Variants in MYO16 observed in about 807,000 individuals in gnomAD.
MYO16 encodes unconventional myosin-XVI.
A neutral mutation model predicts 205.3 loss-of-function variants in MYO16; 94 were observed. That is an observed-to-expected ratio of 0.46 (90% confidence interval 0.39 to 0.54). The LOEUF is 0.54. Among genes scored for constraint, MYO16 ranks in the 20% least tolerant of loss-of-function variants. The pLI, the probability that MYO16 is intolerant of heterozygous loss-of-function variation, is 0.00. For missense variants in MYO16, 2,315 were observed against 2,387.5 expected, an observed-to-expected ratio of 0.97 and a Z score of 0.63; for synonymous variants, 988 against 954.0, an observed-to-expected ratio of 1.04 and a Z score of -0.66.
chr13:108,691,400 CTG>C (rs1882890551), intron 2 of MYO16, among the ~76,000 whole-genome samples: 1 of 150,400 alleles, frequency 6.6e-6, no homozygotes, highest in Non-Finnish European at 1.5e-5. Context: ...GGGTGTGTGT[CTG>C]TGTGTGTGTT....
At position 109,055,808 on chromosome 13, in the gene MYO16, A is replaced by T; in HGVS notation, c.3335+213A>T. ...AAAATAATTAAACTGTACTGAGGAC[A>T]GTATCTTGGAAACCATTCTCATGTT... is the stretch of plus-strand genomic sequence containing the variant. On this transcript the variant is annotated intron_variant, in intron 27 of 34. Coordinates refer to ENST00000457511, the MANE Select transcript of MYO16 (RefSeq NM_001198950.3). The surrounding 1 kb of genome is among the most constrained non-coding windows in gnomAD (Gnocchi z 5.0). The T allele has an allele frequency of 6.5e-6, 3 of 465,000 alleles. No homozygotes were observed. The highest frequency in any genetic ancestry group is 7.6e-6 in the Non-Finnish European group (2 of 262,338). 28.8% of individuals were successfully genotyped at this position (465,000 alleles called of 1,614,324 possible). A position where few individuals can be genotyped will look rare whatever the true frequency, so the allele number is the denominator to read the frequency against.
At chr13:108,970,414 A>G (rs959299392) in intron 20 of MYO16, among the ~76,000 whole-genome samples, 2 of 152,188 alleles carry the variant, frequency 1.3e-5, no homozygotes, top group Admixed American at 1.3e-4. Context: ...TTTTCTGGTC[A>G]CTTTTAAATA....
At chr13:108,735,463 A>AGTATGCCATGGTATATACCATGT (rs1884662754) in intron 4 of MYO16, among the ~76,000 whole-genome samples, 1 of 146,274 alleles carries the variant, frequency 6.8e-6, no homozygotes, top group Non-Finnish European at 1.5e-5. Context: ...ATGGCTGCAT[A>AGTATGCCATGGTATATACCATGT]GTATTCCATG....
chr13:108,796,885 G>A (rs181162028), intron 6 of MYO16, among the ~76,000 whole-genome samples: 127 of 151,556 alleles, frequency 8.4e-4, no homozygotes, highest in African/African-American at 2.8e-3. Flanking sequence ...AAACCTGCAC[G>A]TTGTGCACAT....
At chr13:109,022,349 AAT>A (rs1185087922) in intron 23 of MYO16, among the ~76,000 whole-genome samples, 1 of 57,390 alleles carries the variant, frequency 1.7e-5, no homozygotes, top group African/African-American at 8.2e-5. Flanking sequence ...ATTATATACA[AAT>A]ATATATGTAT....
At chr13:108,524,999 T>A in the MYO16 span, among the ~76,000 whole-genome samples, 13 of 152,290 alleles carry the variant, frequency 8.5e-5, no homozygotes, top group African/African-American at 2.9e-4. Context: ...TAAAACTTTT[T>A]TAAAAAAATC....
Position 108,712,651 on chromosome 13 carries a change from T to C in MYO16, c.293-10T>C. ...CTCTGTAACTCCATTCTCCTCTCTG[T>C]TGTTTTCAGTGCTTCGGCTCCTGAA... On this transcript the variant is annotated splice_polypyrimidine_tract_variant and intron_variant, in intron 2 of 34. Transcript: ENST00000457511. 1 of 1,613,406 alleles carries C rather than the reference T, an allele frequency of 6.2e-7. No homozygotes were observed. Among genetic ancestry groups the C allele is most frequent in the Non-Finnish European group, 8.5e-7 (1 of 1,179,274 alleles).
rs5806755 is a variant in MYO16 at position 108,811,545 on chromosome 13, T to TAA, written c.867+4753_867+4754dup. 4.0e-3 allele frequency among the ~76,000 whole-genome samples: 580 copies of TAA among 145,166 alleles called. 5 individuals carry two copies. Among genetic ancestry groups the TAA allele is most frequent in the Middle Eastern group, 0.025 (7 of 278 alleles). ...TTTCTGTCCTCTAACACCACCTGTT[T>TAA]AAAAAAAAAAAAACCATCATCTTCT... On this transcript the variant is annotated intron_variant, in intron 7 of 34. Coordinates refer to ENST00000457511, the MANE Select transcript of MYO16 (RefSeq NM_001198950.3).
intron 1 of MYO16, among the ~76,000 whole-genome samples, chr13:108,601,006 G>C (rs11838662): frequency 0.036 from 5,407 of 152,062 alleles, 223 homozygotes; most frequent in African/African-American, 0.1. Context: ...AGTAATCCCA[G>C]GTCCTTTTTA....
At chr13:108,637,914 A>T (rs1482088111) in intron 1 of MYO16, among the ~76,000 whole-genome samples, 8 of 152,280 alleles carry the variant, frequency 5.3e-5, no homozygotes, top group African/African-American at 1.4e-4. Flanking sequence ...ACAAAGACGA[A>T]CAAGCAAGCT....
In MYO16 at chr13:108,861,431, C is replaced by T. The variant is rs373627253; in HGVS notation, c.1360-4746C>T. ...TTTATCCACTCTATACTTGAGGAAA[C>T]TTTGAGTTGTTTCCACTTTTTTAGT... On this transcript the variant is annotated intron_variant, in intron 11 of 34. Coordinates refer to ENST00000457511, the MANE Select transcript of MYO16 (RefSeq NM_001198950.3). 5.9e-5 allele frequency among the ~76,000 whole-genome samples: 9 copies of T among 152,248 alleles called. No homozygotes were observed. In the South Asian group the frequency reaches 8.3e-4, roughly 14 times the overall value.
At chr13:109,086,813 A>G (rs4773026) in intron 27 of MYO16, among the ~76,000 whole-genome samples, 110,735 of 152,004 alleles carry the variant, frequency 0.73, 40,455 homozygotes, top group East Asian at 0.89. Context: ...CAACAGATCT[A>G]TATTTAAAGC....
the MYO16 span, among the ~76,000 whole-genome samples, chr13:108,518,055 T>C: frequency 2.5e-4 from 38 of 152,292 alleles, no homozygotes; most frequent in South Asian, 7.7e-3. Context: ...ATATGAATTC[T>C]GGGGGGACAC....
intron 23 of MYO16, among the ~76,000 whole-genome samples, chr13:109,031,600 C>T (rs1185304660): frequency 1.3e-5 from 2 of 152,290 alleles, no homozygotes; most frequent in South Asian, 2.1e-4. Flanking sequence ...TTTGCTTTCT[C>T]TCTTCAGAAC....
intron 3 of MYO16, among the ~76,000 whole-genome samples, chr13:108,724,277 A>G (rs553470880): frequency 6.6e-6 from 1 of 152,238 alleles, no homozygotes; most frequent in East Asian, 1.9e-4. Flanking sequence ...TTGCTTTTCA[A>G]TCTAGATTAA....
chr13:108,912,487 A>G (rs1881312291), intron 16 of MYO16, among the ~76,000 whole-genome samples: 1 of 152,192 alleles, frequency 6.6e-6, no homozygotes, highest in African/African-American at 2.4e-5. Context: ...AGCTTCTAGG[A>G]CATTAGAAAT....
At chr13:108,932,051 T>C (rs1471761760) in intron 16 of MYO16, among the ~76,000 whole-genome samples, 1 of 152,258 alleles carries the variant, frequency 6.6e-6, no homozygotes, top group African/African-American at 2.4e-5. Flanking sequence ...TCTGCAGTGC[T>C]TTCTTACACT....
the MYO16 span, among the ~76,000 whole-genome samples, chr13:108,523,440 A>G: frequency 6.6e-6 from 1 of 152,160 alleles, no homozygotes; most frequent in Admixed American, 6.5e-5. Flanking sequence ...TGGCAGTAGC[A>G]TCTTCCCTTT....
chr13:108,786,707 T>A (rs1019865), intron 5 of MYO16, among the ~76,000 whole-genome samples: 5 of 152,064 alleles, frequency 3.3e-5, no homozygotes, highest in Non-Finnish European at 4.4e-5. Flanking sequence ...AGTCTTATTC[T>A]CTGTGAAAGC....
Sources: allele counts gnomAD v4.1 joint callset (sites outside exome capture counted in the v4.1 genomes callset), GRCh38; gene constraint gnomAD v4.1.1; non-coding constraint Gnocchi (gnomAD v3.1); transcripts MANE v1.5; gene names NCBI Gene and HGNC (gene_info 2026-07-23, HGNC 2026-07-21).